The following LNPEP variants were observed in gnomAD, a reference collection of about 807,000 sequenced individuals.
LNPEP encodes leucyl and cystinyl aminopeptidase, also known as leucyl-cystinyl aminopeptidase.
In LNPEP, 64 loss-of-function variants were observed where a neutral mutation model predicts 120.6. The ratio of observed to expected loss-of-function variants is 0.53; its 90% CI spans 0.43 to 0.65. The LOEUF (loss-of-function observed/expected upper bound fraction) is 0.65. LNPEP is among the 30% of genes least tolerant of loss of function. LNPEP has a pLI of 0.00. For missense variants in LNPEP, 1,057 were observed against 1,200.0 expected, an observed-to-expected ratio of 0.88 and a Z score of 1.76; for synonymous variants, 435 against 425.4, an observed-to-expected ratio of 1.02 and a Z score of -0.28.
At chr5:97,026,149 ATTAT>A (rs1791334991) in intron 15 of LNPEP, among the ~76,000 whole-genome samples, 1 of 152,218 alleles carries the variant, frequency 6.6e-6, no homozygotes. Flanking sequence ...GACTTAGAAC[ATTAT>A]TTAGTACATA....
chr5:96,984,501 G>A (rs1056459811), intron 2 of LNPEP, among the ~76,000 whole-genome samples: 6 of 152,038 alleles, frequency 3.9e-5, no homozygotes, highest in East Asian at 1.9e-4. Context: ...GGAGGCCTGG[G>A]GAGTTTCTTC....
intron 8 of LNPEP, among the ~76,000 whole-genome samples, chr5:96,999,497 A>T (rs1034936550): frequency 6.6e-6 from 1 of 152,210 alleles, no homozygotes; most frequent in African/African-American, 2.4e-5. Context: ...GCTATATTAA[A>T]TCTATTCCAA....
At chr5:96,956,423 C>T (rs1789471380) in intron 1 of LNPEP, among the ~76,000 whole-genome samples, 1 of 152,200 alleles carries the variant, frequency 6.6e-6, no homozygotes, top group African/African-American at 2.4e-5. Context: ...GAGGCTGAGG[C>T]AGGAGAATCA....
At chr5:96,981,037 G>A (rs1400346656) in intron 2 of LNPEP, among the ~76,000 whole-genome samples, 1 of 152,142 alleles carries the variant, frequency 6.6e-6, no homozygotes, top group Non-Finnish European at 1.5e-5. Context: ...ATTGCAATGG[G>A]AACTTGAAAG....
chr5:96,960,484 T>G (rs1253093129), intron 1 of LNPEP, among the ~76,000 whole-genome samples: 1 of 152,164 alleles, frequency 6.6e-6, no homozygotes, highest in Non-Finnish European at 1.5e-5. Context: ...TTGAAATGCA[T>G]TTTAGGCAAA....
intron 1 of LNPEP, among the ~76,000 whole-genome samples, chr5:96,957,709 A>G (rs1035997025): frequency 6.6e-6 from 1 of 152,192 alleles, no homozygotes; most frequent in African/African-American, 2.4e-5. Context: ...AACTTCCAGA[A>G]GGAATACAGC....
chr5:96,998,292 A>G, intron 8 of LNPEP, 147 bp downstream of exon 8: 1 of 675,206 alleles, frequency 1.5e-6, no homozygotes, highest in Admixed American at 3.9e-5. Flanking sequence ...GCTTCTGTAT[A>G]AATCTTGGTC....
intron 1 of LNPEP, among the ~76,000 whole-genome samples, chr5:96,971,461 A>C (rs1206392504): frequency 6.7e-6 from 1 of 150,006 alleles, no homozygotes; most frequent in African/African-American, 2.5e-5. Context: ...TAATATTTTA[A>C]CTATTATTTC....
intron 4 of LNPEP, among the ~76,000 whole-genome samples, chr5:96,988,579 G>A (rs566661833): frequency 3.3e-5 from 5 of 151,524 alleles, no homozygotes; most frequent in African/African-American, 1.2e-4. Context: ...CTTGTGATCC[G>A]CCCGCCTCAG....
intron 11 of LNPEP, among the ~76,000 whole-genome samples, chr5:97,009,082 G>A (rs1052917542): frequency 2.0e-5 from 3 of 151,984 alleles, no homozygotes; most frequent in African/African-American, 4.8e-5. Context: ...TGCTTTTGCC[G>A]CACAAAAATT....
At chr5:96,964,593 C>CT (rs1789683594) in intron 1 of LNPEP, among the ~76,000 whole-genome samples, 1 of 151,888 alleles carries the variant, frequency 6.6e-6, no homozygotes, top group African/African-American at 2.4e-5. Flanking sequence ...AGGTTTTTCT[C>CT]TTTTTTTGCT....
intron 1 of LNPEP, among the ~76,000 whole-genome samples, chr5:96,950,263 A>G (rs1041479956): frequency 1.3e-5 from 2 of 152,206 alleles, no homozygotes; most frequent in Admixed American, 1.3e-4. Flanking sequence ...TTCTTATTTC[A>G]TAGCTAGAGA....
intron 14 of LNPEP, 146 bp downstream of exon 14, chr5:97,022,630 A>G (rs1366375092): frequency 1.5e-6 from 1 of 674,616 alleles, no homozygotes; most frequent in Non-Finnish European, 2.5e-6. Flanking sequence ...GCATTCTCAA[A>G]CAAGACTTTT....
chr5:96,940,193 G>C (rs1286681605), intron 1 of LNPEP, among the ~76,000 whole-genome samples: 5 of 152,050 alleles, frequency 3.3e-5, no homozygotes, highest in African/African-American at 1.2e-4. Flanking sequence ...GCTATTACTT[G>C]CCAGTTTCCA....
chr5:97,020,195 A>G (rs1791159828), intron 13 of LNPEP, among the ~76,000 whole-genome samples: 1 of 152,202 alleles, frequency 6.6e-6, no homozygotes, highest in Non-Finnish European at 1.5e-5. Flanking sequence ...AATGGTCTTA[A>G]TAGTTTAAAA....
Position 97,030,618 on chromosome 5 carries a change from C to CTGTGTGTGTGTGTG in LNPEP, c.*2086_*2087insGTGTGTGTGTGTGT, listed in dbSNP as rs1358817096. 1 of 68,564 alleles carries CTGTGTGTGTGTGTG rather than the reference C, an allele frequency of 1.5e-5. No homozygotes were observed. The highest frequency in any genetic ancestry group is 3.3e-5 in the Non-Finnish European group (1 of 29,886). 4.2% of individuals were successfully genotyped at this position (68,564 alleles called of 1,614,324 possible). A position where few individuals can be genotyped will look rare whatever the true frequency, so the allele number is the denominator to read the frequency against. ...ATCATTTCTCTCCCTCTCTCTCTCT[C>CTGTGTGTGTGTGTG]TCTGTGTGTGTGTGTGTGTGTGTGT... On this transcript the variant is annotated 3_prime_UTR_variant, in exon 18 of 18. Transcript: ENST00000231368.
At chr5:97,025,559 A>G (rs1791317045) in intron 15 of LNPEP, among the ~76,000 whole-genome samples, 1 of 152,202 alleles carries the variant, frequency 6.6e-6, no homozygotes, top group Non-Finnish European at 1.5e-5. Flanking sequence ...GTAAAATATG[A>G]AAGTATTTCT....
chr5:96,970,437 C>A (rs1020217931), intron 1 of LNPEP, among the ~76,000 whole-genome samples: 8 of 151,978 alleles, frequency 5.3e-5, no homozygotes, highest in South Asian at 4.1e-4. Flanking sequence ...TAAAATGCAT[C>A]TCTTACAGAC....
intron 13 of LNPEP, among the ~76,000 whole-genome samples, chr5:97,018,320 T>TC (rs1266547233): frequency 6.6e-6 from 1 of 151,974 alleles, no homozygotes. Context: ...CTCTGTTAAC[T>TC]CTGTTTATAG....
Sources: gnomAD v4.1 joint callset for allele counts (sites outside exome capture counted in the v4.1 genomes callset) on GRCh38, gnomAD v4.1.1 for gene constraint, MANE v1.5 for transcripts, NCBI Gene and HGNC (gene_info 2026-07-23, HGNC 2026-07-21) for gene names.